The following ZNF560 variants were observed in gnomAD, a reference collection of about 807,000 sequenced individuals.
ZNF560 encodes zinc finger protein 560.
ZNF560 carries 54 observed loss-of-function variants against 81.8 expected under a neutral mutation model. The observed-to-expected ratio is 0.66, with a 90% CI of 0.53 to 0.83. ZNF560 has a LOEUF of 0.83. Among genes scored for constraint, ZNF560 ranks in the 40% least tolerant of loss-of-function variants. The pLI is 0.00. For synonymous variants in ZNF560, 321 were observed against 317.9 expected (o/e 1.01, Z -0.10); for missense variants, 940 against 932.4 (o/e 1.01, Z -0.11).
chr19:9,465,656 G>A (rs970962196), downstream of ZNF560, among the ~76,000 whole-genome samples: 1 of 152,122 alleles, frequency 6.6e-6, no homozygotes, highest in Non-Finnish European at 1.5e-5. Flanking sequence ...TGACTATTAA[G>A]GCATATGGAC....
At chr19:9,480,102 A>T (rs1398036384) in intron 2 of ZNF560, among the ~76,000 whole-genome samples, 5 of 152,186 alleles carry the variant, frequency 3.3e-5, no homozygotes, top group African/African-American at 4.8e-5. Flanking sequence ...TGAGACTAGA[A>T]CTACACTTTA....
chr19:9,474,034 C>A (rs982531596), intron 4 of ZNF560, among the ~76,000 whole-genome samples, 165 bp downstream of exon 4: 1 of 152,108 alleles, frequency 6.6e-6, no homozygotes, highest in Non-Finnish European at 1.5e-5. Flanking sequence ...GTGATGCTGT[C>A]GAAACTGGAC....
downstream of ZNF560, among the ~76,000 whole-genome samples, chr19:9,464,977 C>T (rs1317402423): frequency 2.0e-5 from 3 of 152,098 alleles, no homozygotes; most frequent in Admixed American, 1.3e-4. Context: ...ACATTTATTA[C>T]CTTCATGAAG....
At chr19:9,455,495 C>G in the ZNF560 span, among the ~76,000 whole-genome samples, 1 of 152,118 alleles carries the variant, frequency 6.6e-6, no homozygotes, top group African/African-American at 2.4e-5. Flanking sequence ...AGTGGTCATG[C>G]AGGATGATGT....
chr19:9,488,161 C>T (rs548201065), intron 2 of ZNF560, among the ~76,000 whole-genome samples: 12 of 152,272 alleles, frequency 7.9e-5, no homozygotes, highest in African/African-American at 2.9e-4. Flanking sequence ...TAAAGCAAGG[C>T]TGCTGTTTGT....
At chr19:9,449,224 C>T in the ZNF560 span, among the ~76,000 whole-genome samples, 5 of 152,278 alleles carry the variant, frequency 3.3e-5, no homozygotes, top group East Asian at 3.9e-4. Context: ...ACAGAACACT[C>T]AAAGACCACA....
Position 9,474,262 on chromosome 19 carries a change from G to T in ZNF560, c.94C>A (p.Pro32Thr). 1 of 1,614,018 alleles carries T rather than the reference G, an allele frequency of 6.2e-7. No homozygotes were observed. The highest frequency in any genetic ancestry group is 2.2e-5 in the East Asian group (1 of 44,868). ...TCTCTGTATAAGTTTCTCTGAACTG[G>T]GTCCAGTAAAATCCACTCCTCCTGG... is the stretch of plus-strand genomic sequence containing the variant. ...FTQEEWILLD[P>T]VQRNLYRDVM... The change falls in exon 4 of 10, where the codon CCA becomes ACA. Residue 32 changes from proline (P) to threonine (T), a missense_variant. Coordinates refer to ENST00000301480, the MANE Select transcript of ZNF560 (RefSeq NM_152476.3).
At chr19:9,487,990 T>C (rs2073412598) in intron 2 of ZNF560, among the ~76,000 whole-genome samples, 1 of 152,198 alleles carries the variant, frequency 6.6e-6, no homozygotes. Context: ...TCACAACTCC[T>C]GTTGAGGCTT....
Position 9,466,834 on chromosome 19 carries a change from T to G in ZNF560, c.2113A>C (p.Thr705Pro), listed in dbSNP as rs2073027471. ...TTATAGGGTTTTATTTTGGTGAGAG[T>G]TTTTAAGCGATCATGAAAGCACATG... is the stretch of plus-strand genomic sequence containing the variant. Reference protein sequence around the residue: ...NSMCFHDRLKTLTKIKPYKCK... With the variant: ...NSMCFHDRLKPLTKIKPYKCK... Residue 705 changes from threonine (T) to proline (P), a missense_variant, in exon 10 of 10, where the codon ACT becomes CCT. Thr to Pro is a conservative substitution (Grantham distance 38). Transcript: ENST00000301480. The G allele has an allele frequency of 6.2e-7, 1 of 1,613,714 alleles. No individual in the cohort carries two copies. Among genetic ancestry groups the G allele is most frequent in the Admixed American group, 1.7e-5 (1 of 59,964 alleles).
At chr19:9,478,599 G>A (rs574081071) in intron 2 of ZNF560, among the ~76,000 whole-genome samples, 1 of 152,164 alleles carries the variant, frequency 6.6e-6, no homozygotes, top group South Asian at 2.1e-4. Context: ...ATAATTAAGG[G>A]ATATACAATA....
At chr19:9,505,899 T>A in the ZNF560 span, among the ~76,000 whole-genome samples, 44 of 151,672 alleles carry the variant, frequency 2.9e-4, 1 homozygote, top group Non-Finnish European at 4.4e-5. Context: ...CCTGACCTCA[T>A]GTGATCTGCC....
chr19:9,463,996 T>C (rs1294424580), downstream of ZNF560, among the ~76,000 whole-genome samples: 1 of 152,220 alleles, frequency 6.6e-6, no homozygotes, highest in Admixed American at 6.5e-5. Context: ...TCAGGATTGG[T>C]AAACTTACCT....
chr19:9,490,866 G>C (rs2073461232), intron 2 of ZNF560, among the ~76,000 whole-genome samples: 1 of 152,186 alleles, frequency 6.6e-6, no homozygotes, highest in South Asian at 2.1e-4. Context: ...ACTCAGGATT[G>C]TGCAGAAGTC....
Position 9,473,252 on chromosome 19 carries a change from C to A in ZNF560, c.165G>T (p.Gln55His). 1 of 1,608,366 alleles carries A rather than the reference C, an allele frequency of 6.2e-7. No individual in the cohort carries two copies. Residue 55 changes from glutamine (Q) to histidine (H), a missense_variant, in exon 5 of 10, where the codon CAG becomes CAT. Gln to His is a conservative substitution (Grantham distance 24, BLOSUM62 0). Transcript: ENST00000301480. ...AAGAGATGACACTGGGTTTAAAGAGCTGAAATCCTTTACATGAAGAAATGA... is the reference window on the plus strand; with the variant it reads ...AAGAGATGACACTGGGTTTAAAGAGATGAAATCCTTTACATGAAGAAATGA... ...NYENVAKVGF[Q>H]LFKPSVISWL...
At chr19:9,484,018 G>A (rs1012019311) in intron 2 of ZNF560, among the ~76,000 whole-genome samples, 45 of 152,260 alleles carry the variant, frequency 3.0e-4, no homozygotes, top group African/African-American at 1.1e-3. Flanking sequence ...TCTGAAACAT[G>A]TGCTGTGTCC....
At chr19:9,479,846 A>G (rs1290973918) in intron 2 of ZNF560, among the ~76,000 whole-genome samples, 2 of 152,010 alleles carry the variant, frequency 1.3e-5, no homozygotes, top group African/African-American at 2.4e-5. Context: ...AGACTTGAAC[A>G]TGCCTAAATT....
chr19:9,460,645 A>G, the ZNF560 span, among the ~76,000 whole-genome samples: 1 of 152,130 alleles, frequency 6.6e-6, no homozygotes, highest in Admixed American at 6.5e-5. Flanking sequence ...CTCAGTATCA[A>G]TCTTGGCTGG....
At position 9,466,885 on chromosome 19, in the gene ZNF560, C is replaced by T. The variant is rs539161316; in HGVS notation, c.2062G>A (p.Ala688Thr). ...HAAEKTSECN[A>T]CGNSFRNSMC... Reference sequence around the variant, plus strand: ...GAATTTCGAAAGGAATTTCCACATGCGTTACATTCAGAGGTCTTCTCTGCT... The same window carrying T: ...GAATTTCGAAAGGAATTTCCACATGTGTTACATTCAGAGGTCTTCTCTGCT... The change falls in exon 10 of 10, where the codon GCA becomes ACA. Residue 688 changes from alanine to threonine, a missense_variant. By Grantham distance (58) the Ala-to-Thr change is moderately conservative. Transcript: ENST00000301480. 1.7e-5 allele frequency: 27 copies of T among 1,613,888 alleles called. No individual in the cohort carries two copies. The highest frequency in any genetic ancestry group is 1.2e-4 in the Admixed American group (7 of 60,002).
At position 9,466,761 on chromosome 19, in the gene ZNF560, T is replaced by C. The variant is rs1186322908; in HGVS notation, c.2186A>G (p.Asn729Ser). ...KAFTCHSDLT[N>S]HVRIHTGEKP... Reference sequence around the variant, plus strand: ...CTCTCCAGTGTGAATTCGCACATGATTAGTAAGATCTGAATGACAAGTGAA... The same window carrying C: ...CTCTCCAGTGTGAATTCGCACATGACTAGTAAGATCTGAATGACAAGTGAA... Residue 729 changes from asparagine to serine, a missense_variant, in exon 10 of 10, where the codon AAT becomes AGT. Transcript: ENST00000301480. 6.2e-7 allele frequency: 1 copy of C among 1,614,090 alleles called. No homozygotes were observed. Among genetic ancestry groups the C allele is most frequent in the Non-Finnish European group, 8.5e-7 (1 of 1,179,982 alleles).
Sources: allele counts gnomAD v4.1 joint callset (sites outside exome capture counted in the v4.1 genomes callset), GRCh38; gene constraint gnomAD v4.1.1; transcripts MANE v1.5; gene names NCBI Gene and HGNC (gene_info 2026-07-23, HGNC 2026-07-21).